The following DNM2 variants were observed in gnomAD, a reference collection of about 807,000 sequenced individuals.
The protein encoded by DNM2 is dynamin 2.
Under a neutral mutation model 99.0 loss-of-function variants are expected in DNM2, and 15 were observed. The ratio of observed to expected loss-of-function variants is 0.15; its 90% CI spans 0.10 to 0.23. DNM2 has a LOEUF of 0.23. DNM2 is among the 10% of genes least tolerant of loss of function. DNM2 has a pLI of 1.00. For missense variants in DNM2, 742 were observed against 1,189.4 expected (o/e 0.62, Z 5.53); for synonymous variants, 525 against 481.2 (o/e 1.09, Z -1.19).
intron 1 of DNM2, among the ~76,000 whole-genome samples, chr19:10,726,638 C>T (rs367851323): frequency 9.9e-5 from 15 of 152,096 alleles, no homozygotes; most frequent in East Asian, 9.6e-4. Context: ...TGCCCAGCAT[C>T]GGATCACCAG....
intron 11 of DNM2, among the ~76,000 whole-genome samples, chr19:10,800,146 T>C (rs565097031): frequency 2.0e-4 from 30 of 152,352 alleles, no homozygotes; most frequent in South Asian, 1.9e-3. Flanking sequence ...TGTGAGCCAC[T>C]GCTCCCAGAT....
chr19:10,740,207 C>T (rs971158820), intron 1 of DNM2, among the ~76,000 whole-genome samples: 1 of 152,068 alleles, frequency 6.6e-6, no homozygotes, highest in Non-Finnish European at 1.5e-5. Flanking sequence ...TTGATCTATT[C>T]AAAGAGCAAA....
intron 10 of DNM2, among the ~76,000 whole-genome samples, chr19:10,797,853 T>C (rs1171523148): frequency 1.3e-5 from 2 of 152,178 alleles, no homozygotes; most frequent in Non-Finnish European, 2.9e-5. Context: ...TGTATAGCCC[T>C]GCATGTTCTC....
At position 10,812,576 on chromosome 19, in the gene DNM2, C is replaced by T. The variant is rs561443851; in HGVS notation, c.1671+199C>T. 2.0e-5 allele frequency among the ~76,000 whole-genome samples: 3 copies of T among 152,066 alleles called. No homozygotes were observed. Among genetic ancestry groups the T allele is most frequent in the Non-Finnish European group, 4.4e-5 (3 of 68,006 alleles). On this transcript the variant is annotated intron_variant, in intron 15 of 20. Coordinates refer to ENST00000389253, the MANE Select transcript of DNM2 (RefSeq NM_001005361.3). This position sits in a 1 kb window ranked among gnomAD's most constrained non-coding sequence, Gnocchi z 4.0. Reference sequence around the variant, plus strand: ...GGGCGAGGCAGGTAGATCACGAGGTCGGGAGTTTGAGACCAGCCTGGCCAA... The same window carrying T: ...GGGCGAGGCAGGTAGATCACGAGGTTGGGAGTTTGAGACCAGCCTGGCCAA...
chr19:10,816,586 C>T lies in DNM2; in HGVS notation c.1672-3394C>T, dbSNP rs1327778361. On this transcript the variant is annotated intron_variant, in intron 15 of 20. Coordinates refer to ENST00000389253, the MANE Select transcript of DNM2 (RefSeq NM_001005361.3). This position sits in a 1 kb window ranked among gnomAD's most constrained non-coding sequence, Gnocchi z 4.6. ...AATGGCTGGGGTGGGGTAGGGTGCC[C>T]TTTCTCTTTTTCTCCCCTCTTTCCG... Among the ~76,000 whole-genome samples, 1 of 152,080 alleles carries T rather than the reference C, an allele frequency of 6.6e-6. No individual in the cohort carries two copies. Among genetic ancestry groups the T allele is most frequent in the Non-Finnish European group, 1.5e-5 (1 of 67,996 alleles).
At chr19:10,785,607 C>CT (rs1000418905) in intron 6 of DNM2, among the ~76,000 whole-genome samples, 2 of 152,052 alleles carry the variant, frequency 1.3e-5, no homozygotes, top group African/African-American at 2.4e-5. Flanking sequence ...ATTTTTAAAA[C>CT]TTTTTTTATC....
intron 1 of DNM2, among the ~76,000 whole-genome samples, chr19:10,726,035 A>G (rs573925347): frequency 6.6e-6 from 1 of 152,160 alleles, no homozygotes; most frequent in East Asian, 1.9e-4. Context: ...CCTGGCCAAC[A>G]TGGTGAAACC....
At chr19:10,739,587 G>A (rs903145478) in intron 1 of DNM2, among the ~76,000 whole-genome samples, 1 of 152,090 alleles carries the variant, frequency 6.6e-6, no homozygotes, top group Admixed American at 6.6e-5. Context: ...GGGTGCAGTG[G>A]CGCACGCCTG....
In DNM2 at chr19:10,820,893, C is replaced by T. The variant is rs1001517722; in HGVS notation, c.1781+804C>T. Among the ~76,000 whole-genome samples the T allele has an allele frequency of 6.6e-6, 1 of 152,194 alleles. No individual in the cohort carries two copies. Among genetic ancestry groups the T allele is most frequent in the African/African-American group, 2.4e-5 (1 of 41,456 alleles). Reference sequence around the variant, plus strand: ...CTCACAGTACATCTGTCCCATGAGGCGTAGCTGGAGACTTTAGCAGAGACA... The same window carrying T: ...CTCACAGTACATCTGTCCCATGAGGTGTAGCTGGAGACTTTAGCAGAGACA... On this transcript the variant is annotated intron_variant, in intron 16 of 20. Transcript: ENST00000389253. The surrounding 1 kb of genome is among the most constrained non-coding windows in gnomAD (Gnocchi z 4.3).
chr19:10,776,962 G>C (rs2071176764), intron 4 of DNM2, among the ~76,000 whole-genome samples, 156 bp from the exon 5 acceptor site: 1 of 152,210 alleles, frequency 6.6e-6, no homozygotes. Context: ...CATTCGACAT[G>C]TCGGAAACTG....
chr19:10,771,152 C>T (rs2070963745), intron 2 of DNM2, among the ~76,000 whole-genome samples: 1 of 152,244 alleles, frequency 6.6e-6, no homozygotes, highest in South Asian at 2.1e-4. Context: ...TGGGGATATC[C>T]CCTCCCCAAC....
intron 1 of DNM2, among the ~76,000 whole-genome samples, chr19:10,732,720 T>C (rs970120176): frequency 6.6e-6 from 1 of 151,996 alleles, no homozygotes; most frequent in Non-Finnish European, 1.5e-5. Context: ...TATATATATA[T>C]ATATTTCTAG....
Position 10,775,814 on chromosome 19 carries a change from G to T in DNM2, c.497G>T (p.Arg166Leu). 6 of 1,614,104 alleles carry T rather than the reference G, an allele frequency of 3.7e-6. No individual in the cohort carries two copies. The highest frequency in any genetic ancestry group is 5.1e-6 in the Non-Finnish European group (6 of 1,180,050). ...GACATGATCCTGCAGTTCATCAGCC[G>T]GGAGAGCAGCCTCATTCTGGCTGTC... ...IKDMILQFIS[R>L]ESSLILAVTP... is the part of the protein sequence containing the mutation. Residue 166 changes from arginine to leucine, a missense_variant, in exon 4 of 21, where the codon CGG (arginine) becomes CTG (leucine). Arg to Leu is a moderately radical substitution (Grantham distance 102). Around this residue, in one of 7 missense-constraint regions of DNM2, gnomAD observed 192 missense variants for 358.9 expected, o/e 0.54. Coordinates refer to ENST00000389253, the MANE Select transcript of DNM2 (RefSeq NM_001005361.3). The surrounding 1 kb of genome is among the most constrained non-coding windows in gnomAD (Gnocchi z 4.3).
At chr19:10,803,595 A>C in intron 12 of DNM2, 2 of 984,832 alleles carry the variant, frequency 2.0e-6, no homozygotes, top group Non-Finnish European at 1.2e-6. Context: ...TTTTCCTTTG[A>C]CCACTCTTTC....
intron 13 of DNM2, among the ~76,000 whole-genome samples, chr19:10,807,045 G>GT (rs1476537532): frequency 1.4e-4 from 22 of 152,148 alleles, no homozygotes; most frequent in African/African-American, 5.3e-4. Context: ...ATGAACGGCT[G>GT]TATCAATGCC....
Position 10,795,656 on chromosome 19 carries a change from C to T in DNM2, c.1196+217C>T. 1 of 606,302 alleles carries T rather than the reference C, an allele frequency of 1.6e-6. No individual in the cohort carries two copies. 37.6% of individuals were successfully genotyped at this position (606,302 alleles called of 1,614,324 possible). On this transcript the variant is annotated intron_variant, in intron 9 of 20. Coordinates refer to ENST00000389253, the MANE Select transcript of DNM2 (RefSeq NM_001005361.3). The surrounding 1 kb of genome is among the most constrained non-coding windows in gnomAD (Gnocchi z 4.2). ...CGTCCATTGCAGGCTTCAGGGCTGT[C>T]TGCAGCTCCTGATCAAATAGGGCTT...
In DNM2 at chr19:10,812,618, CT is replaced by C. The variant is rs1252591598; in HGVS notation, c.1671+242del. The stretch of plus-strand genomic sequence containing the variant: ...CCTGGCCAACATGATGAAACCCCGT[CT>C]CTACTAAAATTGCAAAAATTAGCCA... On this transcript the variant is annotated intron_variant, in intron 15 of 20. Transcript: ENST00000389253. This position sits in a 1 kb window ranked among gnomAD's most constrained non-coding sequence, Gnocchi z 4.0. Among the ~76,000 whole-genome samples, 1 of 152,122 alleles carries C rather than the reference CT, an allele frequency of 6.6e-6. No individual in the cohort carries two copies. The highest frequency in any genetic ancestry group is 2.4e-5 in the African/African-American group (1 of 41,408).
At chr19:10,813,245 G>A (rs990819980) in intron 15 of DNM2, among the ~76,000 whole-genome samples, 3 of 152,234 alleles carry the variant, frequency 2.0e-5, no homozygotes, top group Non-Finnish European at 4.4e-5. Context: ...GCAGTGTTGA[G>A]TGCTGAGTCA....
chr19:10,777,947 T>C (rs1476552598), intron 5 of DNM2, among the ~76,000 whole-genome samples: 1 of 152,022 alleles, frequency 6.6e-6, no homozygotes, highest in Non-Finnish European at 1.5e-5. Context: ...GTTCAAAGAA[T>C]CCTCGTGGAT....
Sources: gnomAD v4.1 joint callset for allele counts (sites outside exome capture counted in the v4.1 genomes callset) on GRCh38, gnomAD v4.1.1 for gene constraint, gnomAD v4.1.1 regional missense constraint, Gnocchi (gnomAD v3.1) non-coding constraint, MANE v1.5 for transcripts, NCBI Gene and HGNC (gene_info 2026-07-23, HGNC 2026-07-21) for gene names.